ZNF536: variants seen among roughly 807,000 people sequenced by gnomAD.
The protein encoded by ZNF536 is zinc finger protein 536.
A neutral mutation model predicts 84.5 loss-of-function variants in ZNF536; 13 were observed. That is an observed-to-expected ratio of 0.15 (90% CI 0.10 to 0.24). The LOEUF (loss-of-function observed/expected upper bound fraction) is 0.24, where lower values mean the gene tolerates loss of function less well. Ranked by LOEUF, ZNF536 falls within the 10% of genes least tolerant of loss-of-function variation. ZNF536 has a pLI of 1.00. For missense variants in ZNF536, 1,536 were observed against 1,747.5 expected, an observed-to-expected ratio of 0.88 and a Z score of 2.16; for synonymous variants, 811 against 742.5, an observed-to-expected ratio of 1.09 and a Z score of -1.50.
chr19:30,649,638 C>G (rs1412543533), intron 1 of ZNF536, among the ~76,000 whole-genome samples: 2 of 146,226 alleles, frequency 1.4e-5, no homozygotes, highest in Non-Finnish European at 3.0e-5. Context: ...GTGAAAAAGA[C>G]ACAGGAACAG....
chr19:30,595,461 A>C (rs1555807735), intron 1 of ZNF536, among the ~76,000 whole-genome samples: 2 of 151,594 alleles, frequency 1.3e-5, no homozygotes, highest in Non-Finnish European at 2.9e-5. Context: ...CTATTTTTTA[A>C]TTTTTTTGTA....
intron 2 of ZNF536, among the ~76,000 whole-genome samples, chr19:30,291,247 C>T (rs2145800326): frequency 6.6e-6 from 1 of 152,272 alleles, no homozygotes; most frequent in Admixed American, 6.5e-5. Context: ...GTTTTAGATC[C>T]TTGAGGAATT....
At chr19:30,479,386 G>A (rs539362273) in intron 2 of ZNF536, among the ~76,000 whole-genome samples, 6 of 152,150 alleles carry the variant, frequency 3.9e-5, no homozygotes, top group African/African-American at 9.7e-5. Context: ...AGTCAGTCAC[G>A]TGGCCCCAGC....
chr19:30,624,366 C>A (rs1176914509), intron 1 of ZNF536, among the ~76,000 whole-genome samples: 1 of 152,136 alleles, frequency 6.6e-6, no homozygotes, highest in African/African-American at 2.4e-5. Flanking sequence ...AGGGTGCTGC[C>A]CTTACCTCAT....
chr19:30,623,988 C>T (rs116645124), intron 1 of ZNF536, among the ~76,000 whole-genome samples: 40 of 152,256 alleles, frequency 2.6e-4, no homozygotes, highest in African/African-American at 8.7e-4. Context: ...AAATGGGCTT[C>T]GGAGTGATTC....
At chr19:30,612,782 G>T (rs770327891) in intron 1 of ZNF536, among the ~76,000 whole-genome samples, 1 of 152,144 alleles carries the variant, frequency 6.6e-6, no homozygotes, top group Non-Finnish European at 1.5e-5. Context: ...TTAGTTCAAT[G>T]ATCAAAACTG....
intron 1 of ZNF536, among the ~76,000 whole-genome samples, chr19:30,579,036 A>G (rs1419671358): frequency 6.6e-6 from 1 of 152,358 alleles, no homozygotes; most frequent in Non-Finnish European, 1.5e-5. Flanking sequence ...ACATAACTAT[A>G]TAAGATTACA....
At chr19:30,481,440 G>A (rs1682782625) in intron 2 of ZNF536, among the ~76,000 whole-genome samples, 1 of 151,988 alleles carries the variant, frequency 6.6e-6, no homozygotes, top group African/African-American at 2.4e-5. Flanking sequence ...ATCTTTTTCT[G>A]GGTCATTTGC....
rs576781804 is a variant in ZNF536 at position 30,425,326 on chromosome 19, A to G, written c.-2-18235A>G. 3.3e-5 allele frequency among the ~76,000 whole-genome samples: 5 copies of G among 152,100 alleles called. No homozygotes were observed. The South Asian group carries it at 1.0e-3, about 32-fold the overall frequency. Reference sequence around the variant, plus strand: ...GGGCAGAGGAGTAACCGAGGGCCCCAGGGGGTGTCTGGAAGGGAGGGCATA... The same window carrying G: ...GGGCAGAGGAGTAACCGAGGGCCCCGGGGGGTGTCTGGAAGGGAGGGCATA... On this transcript the variant is annotated intron_variant, in intron 1 of 4. Coordinates refer to ENST00000355537, the MANE Select transcript of ZNF536 (RefSeq NM_014717.3).
rs71333464 is a variant in ZNF536, at chr19:30,666,832, G to GTGTA, written c.170-43924_170-43923insGTAT. 7.9e-3 allele frequency among the ~76,000 whole-genome samples: 1,178 copies of GTGTA among 149,138 alleles called. 16 individuals carry two copies. Among genetic ancestry groups the GTGTA allele is most frequent in the African/African-American group, 0.027 (1,100 of 40,556 alleles). ...TGTATGTGTATATATGTGTGTGTGT[G>GTGTA]TATATATATATATATATGTATGTAT... On this transcript the variant is annotated intron_variant, in intron 1 of 1. Coordinates refer to the ZNF536 transcript ENST00000592773.
At chr19:30,299,898 T>G (rs1474304358) in intron 2 of ZNF536, among the ~76,000 whole-genome samples, 1 of 152,186 alleles carries the variant, frequency 6.6e-6, no homozygotes, top group Non-Finnish European at 1.5e-5. Context: ...CAAAAAAGCC[T>G]TTTTTGAAAA....
intron 1 of ZNF536, among the ~76,000 whole-genome samples, chr19:30,373,970 G>A (rs892701270): frequency 6.6e-6 from 1 of 152,210 alleles, no homozygotes; most frequent in Non-Finnish European, 1.5e-5. Context: ...CGGGCCTGCA[G>A]TCAATTCACC....
intron 2 of ZNF536, among the ~76,000 whole-genome samples, chr19:30,310,979 A>G (rs1353078658): frequency 6.6e-6 from 1 of 152,046 alleles, no homozygotes. Context: ...GGGTTTTTGT[A>G]AGGTTGGTTC....
At chr19:30,271,226 T>C (rs1405502333) in intron 1 of ZNF536, among the ~76,000 whole-genome samples, 1 of 151,902 alleles carries the variant, frequency 6.6e-6, no homozygotes, top group Non-Finnish European at 1.5e-5. Context: ...GTGCCCTGTG[T>C]TTGCACACCC....
At chr19:30,537,528 C>T (rs143589972) in intron 3 of ZNF536, among the ~76,000 whole-genome samples, 1,598 of 152,286 alleles carry the variant, frequency 0.01, 15 homozygotes, top group Non-Finnish European at 0.018. Flanking sequence ...TGAGGAAAGG[C>T]GGTGCCTCTC....
chr19:30,553,173 A>T (rs1048647808), intron 4 of ZNF536, among the ~76,000 whole-genome samples: 5 of 152,236 alleles, frequency 3.3e-5, no homozygotes, highest in Admixed American at 1.3e-4. Context: ...GATAGACTCC[A>T]CATGAGTATT....
intron 2 of ZNF536, among the ~76,000 whole-genome samples, chr19:30,326,096 C>G (rs1452960333): frequency 6.6e-6 from 1 of 152,238 alleles, no homozygotes; most frequent in Non-Finnish European, 1.5e-5. Flanking sequence ...GAAGATTAAA[C>G]TTTAAAAAGA....
chr19:30,579,299 C>A lies in ZNF536; in HGVS notation c.169+29785C>A, dbSNP rs552371076. ...ACAAACTTAGTGGGTAAAACAACAG[C>A]AATTTATGTTTTCTCACAGGTCTTT... On this transcript the variant is annotated intron_variant, in intron 1 of 1. Coordinates refer to the ZNF536 transcript ENST00000592773. Among the ~76,000 whole-genome samples, 4 of 152,252 alleles carry A rather than the reference C, an allele frequency of 2.6e-5. No homozygotes were observed. In the South Asian group the frequency reaches 8.3e-4, roughly 32 times the overall value.
intron 1 of ZNF536, among the ~76,000 whole-genome samples, chr19:30,229,231 CATTT>C (rs1568505710): frequency 6.6e-6 from 1 of 152,102 alleles, no homozygotes; most frequent in Non-Finnish European, 1.5e-5. Flanking sequence ...CCCCCAGCAT[CATTT>C]ATTTCTTTTG....
Sources: gnomAD v4.1 joint callset for allele counts (sites outside exome capture counted in the v4.1 genomes callset) on GRCh38, gnomAD v4.1.1 for gene constraint, MANE v1.5 for transcripts, NCBI Gene and HGNC (gene_info 2026-07-23, HGNC 2026-07-21) for gene names.